SLC35B4: variants seen among roughly 807,000 people sequenced by gnomAD.
SLC35B4 encodes nucleotide sugar transporter SLC35B4.
SLC35B4 carries 28 observed loss-of-function variants against 39.5 expected under a neutral mutation model. The ratio of observed to expected loss-of-function variants is 0.71; its 90% confidence interval spans 0.53 to 0.97. The LOEUF is 0.97. Among genes scored for constraint, SLC35B4 ranks in the 50% least tolerant of loss-of-function variants. SLC35B4 has a pLI of 0.00. For synonymous variants in SLC35B4, 145 were observed against 150.4 expected (o/e 0.96, Z 0.26); for missense variants, 334 against 414.3 (o/e 0.81, Z 1.68).
chr7:134,317,798 G>C (rs763430869), upstream of SLC35B4, among the ~76,000 whole-genome samples: 3 of 152,218 alleles, frequency 2.0e-5, no homozygotes. Context: ...ACATAAGCTA[G>C]TGCGGCACTA....
chr7:134,304,335 G>A (rs1234130103), intron 4 of SLC35B4, among the ~76,000 whole-genome samples: 1 of 145,328 alleles, frequency 6.9e-6, no homozygotes, highest in Non-Finnish European at 1.5e-5. Context: ...AGGCTGCAGT[G>A]AGCCGAGATC....
Position 134,309,361 on chromosome 7 carries a change from C to A in SLC35B4, c.191+5G>T. ...AAAGCTAAAAGAGACTCTAATGTAC[C>A]ATACCTTATTGGGATAGCTGGTGGC... On this transcript the variant is annotated splice_donor_5th_base_variant and intron_variant, in intron 2 of 9. Coordinates refer to ENST00000378509, the MANE Select transcript of SLC35B4 (RefSeq NM_032826.5). The A allele has an allele frequency of 6.3e-7, 1 of 1,590,412 alleles. No individual in the cohort carries two copies. Among genetic ancestry groups the A allele is most frequent in the African/African-American group, 1.3e-5 (1 of 74,490 alleles).
At chr7:134,310,717 T>C (rs988758397) in intron 1 of SLC35B4, among the ~76,000 whole-genome samples, 3 of 151,942 alleles carry the variant, frequency 2.0e-5, no homozygotes, top group African/African-American at 7.3e-5. Flanking sequence ...GCTAATTTTT[T>C]TGTTTTTTTT....
chr7:134,298,553 A>G (rs143023243), intron 8 of SLC35B4, among the ~76,000 whole-genome samples: 98 of 152,346 alleles, frequency 6.4e-4, no homozygotes, highest in African/African-American at 2.4e-3. Flanking sequence ...GAATTTGACA[A>G]CATTTTTATT....
chr7:134,304,750 G>C, intron 4 of SLC35B4, 55 bp downstream of exon 4: 1 of 1,401,610 alleles, frequency 7.1e-7, no homozygotes, highest in Non-Finnish European at 1.0e-6. Context: ...CTAGCTTATG[G>C]ACAGGGGCTC....
At chr7:134,315,218 T>C (rs548307328) in intron 1 of SLC35B4, among the ~76,000 whole-genome samples, 2 of 152,350 alleles carry the variant, frequency 1.3e-5, no homozygotes, top group African/African-American at 4.8e-5. Flanking sequence ...GTCCCATTTC[T>C]GGCTCTGCCA....
At chr7:134,317,567 C>T (rs539605120), upstream of SLC35B4, among the ~76,000 whole-genome samples, 7 of 152,320 alleles carry the variant, frequency 4.6e-5, no homozygotes, top group East Asian at 1.2e-3. Context: ...GGTTCTCAAA[C>T]TTAGCTGCGC....
At chr7:134,304,896 A>G in intron 3 of SLC35B4, 42 bp from the exon 4 acceptor site, 1 of 1,511,562 alleles carries the variant, frequency 6.6e-7, no homozygotes, top group Non-Finnish European at 9.2e-7. Flanking sequence ...TTAGTGCACT[A>G]GGAAAAAAAC....
intron 7 of SLC35B4, 41 bp downstream of exon 7, chr7:134,300,111 C>T: frequency 7.3e-7 from 1 of 1,370,042 alleles, no homozygotes; most frequent in Non-Finnish European, 1.0e-6. Context: ...CATTTTACAA[C>T]TTAGGAATTT....
chr7:134,307,116 T>C (rs1283300770), intron 2 of SLC35B4, among the ~76,000 whole-genome samples: 5 of 152,222 alleles, frequency 3.3e-5, no homozygotes, highest in African/African-American at 1.2e-4. Flanking sequence ...AAATACCTCC[T>C]CTATACACTT....
At chr7:134,298,709 A>C (rs560298351) in intron 8 of SLC35B4, among the ~76,000 whole-genome samples, 2 of 152,332 alleles carry the variant, frequency 1.3e-5, no homozygotes, top group South Asian at 2.1e-4. Flanking sequence ...CAAATGGGAG[A>C]GGCAACACTA....
Position 134,316,708 on chromosome 7 carries a change from C to T in SLC35B4, c.44G>A (p.Cys15Tyr), listed in dbSNP as rs1450554268. 5 of 1,550,450 alleles carry T rather than the reference C, an allele frequency of 3.2e-6. No homozygotes were observed. The highest frequency in any genetic ancestry group is 3.9e-5 in the Admixed American group (2 of 50,986). The change falls in exon 1 of 10, where the codon TGC becomes TAC. Residue 15 changes from cysteine to tyrosine, a missense_variant. Cys to Tyr is a radical substitution (Grantham distance 194). Coordinates refer to ENST00000378509, the MANE Select transcript of SLC35B4 (RefSeq NM_032826.5). ...GAGCTCTAGGAAGATCACGTTACTGCAGCAGCCTGCGAACACCAGGCCCAC... is the reference window on the plus strand; with the variant it reads ...GAGCTCTAGGAAGATCACGTTACTGTAGCAGCCTGCGAACACCAGGCCCAC... ...LAVGLVFAGC[C>Y]SNVIFLELLA...
upstream of SLC35B4, among the ~76,000 whole-genome samples, chr7:134,320,152 C>T (rs192134189): frequency 1.3e-5 from 2 of 152,342 alleles, no homozygotes; most frequent in East Asian, 3.9e-4. Context: ...CTGTATTTCT[C>T]ACTCAGGTTC....
At chr7:134,298,191 G>C (rs1803507929) in intron 8 of SLC35B4, among the ~76,000 whole-genome samples, 1 of 152,054 alleles carries the variant, frequency 6.6e-6, no homozygotes, top group Non-Finnish European at 1.5e-5. Context: ...TGGATCAGTG[G>C]GCAATGCCAA....
intron 8 of SLC35B4, 185 bp downstream of exon 8, chr7:134,299,338 A>G: frequency 2.0e-6 from 1 of 506,112 alleles, no homozygotes; most frequent in Non-Finnish European, 3.5e-6. Context: ...TCATTTGTAA[A>G]TAATTGAGAA....
intron 8 of SLC35B4, among the ~76,000 whole-genome samples, chr7:134,298,792 G>A (rs925593781): frequency 1.3e-5 from 2 of 152,160 alleles, no homozygotes; most frequent in Non-Finnish European, 2.9e-5. Context: ...AGCACCTACT[G>A]TCATTCTACA....
intron 8 of SLC35B4, among the ~76,000 whole-genome samples, chr7:134,297,782 T>A (rs1401926866): frequency 1.3e-5 from 2 of 152,208 alleles, no homozygotes; most frequent in African/African-American, 4.8e-5. Flanking sequence ...ACGCCTGTAA[T>A]CCTAGCACTT....
intron 8 of SLC35B4, 38 bp from the exon 9 acceptor site, chr7:134,296,504 T>C: frequency 6.6e-7 from 1 of 1,508,960 alleles, no homozygotes; most frequent in Non-Finnish European, 9.2e-7. Flanking sequence ...ATATTGCTTT[T>C]TCACAGCTGA....
In SLC35B4 at chr7:134,295,239, C is replaced by T. The variant is rs574636591; in HGVS notation, c.750-160G>A. ...CTCCTCCTGGGGAGAACCTGCAGAA[C>T]AACTCCTGTCCTGCCATTCCATTTA... On this transcript the variant is annotated intron_variant, in intron 9 of 9. Coordinates refer to ENST00000378509, the MANE Select transcript of SLC35B4 (RefSeq NM_032826.5). 50 of 825,768 alleles carry T rather than the reference C, an allele frequency of 6.1e-5. No homozygotes were observed. The African/African-American group carries it at 6.3e-4, about 10-fold the overall frequency. 51.2% of individuals were successfully genotyped at this position (825,768 alleles called of 1,614,324 possible).
Sources: allele counts gnomAD v4.1 joint callset (sites outside exome capture counted in the v4.1 genomes callset), GRCh38; gene constraint gnomAD v4.1.1; transcripts MANE v1.5; gene names NCBI Gene and HGNC (gene_info 2026-07-23, HGNC 2026-07-21).